SLC15A2: variants seen among roughly 807,000 people sequenced by gnomAD.
SLC15A2 encodes kidney H(+)/peptide cotransporter.
SLC15A2 carries 77 observed loss-of-function variants against 95.5 expected under a neutral mutation model. That is an observed-to-expected ratio of 0.81 (90% CI 0.67 to 0.97). The LOEUF (loss-of-function observed/expected upper bound fraction) is 0.97. Ranked by LOEUF, SLC15A2 falls within the 50% of genes least tolerant of loss-of-function variation. The pLI, the probability that SLC15A2 is intolerant of heterozygous loss-of-function variation, is 0.00. For missense variants in SLC15A2, 893 were observed against 874.4 expected (o/e 1.02, Z -0.27); for synonymous variants, 306 against 306.9 (o/e 1.00, Z 0.03).
intron 13 of SLC15A2, among the ~76,000 whole-genome samples, chr3:121,927,479 A>G: frequency 6.6e-6 from 1 of 152,196 alleles, no homozygotes; most frequent in South Asian, 2.1e-4. Flanking sequence ...TTCTGCTTTC[A>G]CCATGTGACA....
chr3:121,919,194 C>G (rs1465055609), intron 7 of SLC15A2, among the ~76,000 whole-genome samples: 1 of 152,214 alleles, frequency 6.6e-6, no homozygotes, highest in African/African-American at 2.4e-5. Context: ...ACAACTCTCT[C>G]CTGTAGTCTA....
rs766336700 is a variant in SLC15A2 at position 121,924,979 on chromosome 3, C to T, written c.1070C>T (p.Pro357Leu). 3.1e-6 allele frequency: 5 copies of T among 1,613,048 alleles called. No homozygotes were observed. Among genetic ancestry groups the T allele is most frequent in the Middle Eastern group, 1.7e-4 (1 of 6,058 alleles). The change falls in exon 13 of 22, where the codon CCG (proline) becomes CTG (leucine). Residue 357 changes from proline (P) to leucine (L), a missense_variant. Transcript: ENST00000489711. The part of the protein sequence containing the change: ...LNPLLVLIFI[P>L]LFDFVIYRLV... ...CCCCTTCTGGTTCTTATCTTCATCCCGTTGTTTGACTTTGTCATTTATCGT... is the reference window on the plus strand; with the variant it reads ...CCCCTTCTGGTTCTTATCTTCATCCTGTTGTTTGACTTTGTCATTTATCGT...
chr3:121,920,279 A>G (rs1709978345), intron 7 of SLC15A2, among the ~76,000 whole-genome samples: 1 of 151,982 alleles, frequency 6.6e-6, no homozygotes, highest in Non-Finnish European at 1.5e-5. Flanking sequence ...TTGTCCAGGT[A>G]TCTCTTTTTT....
chr3:121,937,717 C>T (rs978463873), intron 19 of SLC15A2, among the ~76,000 whole-genome samples: 1 of 152,186 alleles, frequency 6.6e-6, no homozygotes, highest in African/African-American at 2.4e-5. Flanking sequence ...TGAATGTCCT[C>T]TCATAGCTCA....
chr3:121,901,616 G>A (rs536404627), intron 3 of SLC15A2, among the ~76,000 whole-genome samples: 14 of 151,034 alleles, frequency 9.3e-5, no homozygotes, highest in African/African-American at 2.9e-4. Flanking sequence ...GCATGTGTGT[G>A]TAACATATAC....
At position 121,915,698 on chromosome 3, in the gene SLC15A2, G is replaced by A. The variant is rs749780761; in HGVS notation, c.697+5G>A. ...TGCTCATGGTAATTGCACTTGGTAA[G>A]TGCAGTGAAGCAAAGGAAACTAATA... is the stretch of plus-strand genomic sequence containing the variant. On this transcript the variant is annotated splice_donor_5th_base_variant and intron_variant, in intron 7 of 21. Transcript: ENST00000489711. 2.5e-6 allele frequency: 4 copies of A among 1,607,676 alleles called. No homozygotes were observed. Among genetic ancestry groups the A allele is most frequent in the East Asian group, 2.2e-5 (1 of 44,844 alleles).
At chr3:121,940,737 T>C in intron 21 of SLC15A2, 94 bp from the exon 22 acceptor site, 17 of 1,343,162 alleles carry the variant, frequency 1.3e-5, no homozygotes, top group Non-Finnish European at 1.7e-5. Context: ...AAACTGGTGA[T>C]CCCAGGTCAG....
chr3:121,911,800 C>G (rs958660202), intron 4 of SLC15A2, 134 bp downstream of exon 4: 2 of 660,088 alleles, frequency 3.0e-6, no homozygotes, highest in African/African-American at 3.6e-5. Flanking sequence ...GAAAAACAGT[C>G]TTATGACCAG....
intron 7 of SLC15A2, among the ~76,000 whole-genome samples, chr3:121,918,869 G>C (rs1386684221): frequency 3.3e-5 from 5 of 152,222 alleles, no homozygotes; most frequent in Non-Finnish European, 7.3e-5. Context: ...AGACTGAGAA[G>C]TAAATGTTAC....
intron 13 of SLC15A2, 34 bp downstream of exon 13, chr3:121,925,067 A>G: frequency 7.2e-7 from 1 of 1,388,674 alleles, no homozygotes; most frequent in East Asian, 2.3e-5. Context: ...GGATTACTCT[A>G]AATTGACTCA....
intron 5 of SLC15A2, 35 bp from the exon 6 acceptor site, chr3:121,915,192 C>T (rs980384919): frequency 6.7e-7 from 1 of 1,488,310 alleles, no homozygotes; most frequent in Non-Finnish European, 9.4e-7. Context: ...AGCTAGGGGA[C>T]ACATTGCACT....
Position 121,897,743 on chromosome 3 carries a change from G to A in SLC15A2, c.335+214G>A, listed in dbSNP as rs543801188. ...TTTTCATTATCAATTTTTCCAATGT[G>A]TTTACATCCTCTTCAGTTGCGGTAT... On this transcript the variant is annotated intron_variant, in intron 3 of 21. Coordinates refer to ENST00000489711, the MANE Select transcript of SLC15A2 (RefSeq NM_021082.4). Among the ~76,000 whole-genome samples the A allele has an allele frequency of 5.9e-5, 9 of 152,288 alleles. No homozygotes were observed. The East Asian group carries it at 1.7e-3, about 29-fold the overall frequency.
At chr3:121,940,263 T>C in intron 20 of SLC15A2, 121 bp from the exon 21 acceptor site, 1 of 666,452 alleles carries the variant, frequency 1.5e-6, no homozygotes. Flanking sequence ...ATCAATGTGA[T>C]AGCTGAACTT....
intron 19 of SLC15A2, among the ~76,000 whole-genome samples, chr3:121,937,945 T>C (rs1445502544): frequency 6.6e-6 from 1 of 151,738 alleles, no homozygotes; most frequent in East Asian, 1.9e-4. Flanking sequence ...GGGTTTTTGG[T>C]GTGGATGTCC....
rs993905196 is a variant in SLC15A2, at chr3:121,912,760, C to T, written c.429-261C>T. On this transcript the variant is annotated intron_variant, in intron 4 of 21. Transcript: ENST00000489711. ...TCAGTATCTGTTTCTATCGGATGCT[C>T]ATAAGGGGTAAATGGAACTACCAGG... Among the ~76,000 whole-genome samples the T allele has an allele frequency of 3.3e-5, 5 of 152,150 alleles. No individual in the cohort carries two copies. In the East Asian group the frequency reaches 9.7e-4, roughly 29 times the overall value.
At chr3:121,905,407 C>T (rs1217701183) in intron 3 of SLC15A2, among the ~76,000 whole-genome samples, 1 of 152,088 alleles carries the variant, frequency 6.6e-6, no homozygotes, top group Non-Finnish European at 1.5e-5. Context: ...AATTTGTTTG[C>T]TCTTGCTTCT....
intron 19 of SLC15A2, among the ~76,000 whole-genome samples, chr3:121,936,454 T>C (rs1162306528): frequency 6.6e-6 from 1 of 152,192 alleles, no homozygotes; most frequent in African/African-American, 2.4e-5. Context: ...TGCTCCTGTA[T>C]TGGGTGCATA....
chr3:121,927,596 G>A, intron 13 of SLC15A2, 162 bp from the exon 14 acceptor site: 1 of 569,992 alleles, frequency 1.8e-6, no homozygotes, highest in East Asian at 2.9e-5. Flanking sequence ...AGAACCATAA[G>A]CCAATTAAAC....
At chr3:121,911,196 G>T (rs1709759360) in intron 3 of SLC15A2, among the ~76,000 whole-genome samples, 1 of 152,104 alleles carries the variant, frequency 6.6e-6, no homozygotes, top group South Asian at 2.1e-4. Context: ...TCTTCTACTG[G>T]TTCTCCCAAT....
Sources: gnomAD v4.1 joint callset for allele counts (sites outside exome capture counted in the v4.1 genomes callset) on GRCh38, gnomAD v4.1.1 for gene constraint, MANE v1.5 for transcripts, NCBI Gene and HGNC (gene_info 2026-07-23, HGNC 2026-07-21) for gene names.